Variants in CCDC24 observed in about 807,000 individuals in gnomAD.
CCDC24 encodes the protein coiled-coil domain containing 24.
Under a neutral mutation model 31.6 loss-of-function variants are expected in CCDC24, and 34 were observed. The ratio of observed to expected loss-of-function variants is 1.08; its 90% CI spans 0.82 to 1.43. CCDC24 has a LOEUF of 1.43. CCDC24 is among the 40% of genes most tolerant of loss of function. The pLI, the probability that CCDC24 is intolerant of heterozygous loss-of-function variation, is 0.00. For synonymous variants in CCDC24, 175 were observed against 157.3 expected (o/e 1.11, Z -0.84); for missense variants, 426 against 391.1 (o/e 1.09, Z -0.75).
Position 43,995,414 on chromosome 1 carries a change from A to G in CCDC24, c.553-187A>G. 2.8e-6 allele frequency: 2 copies of G among 726,230 alleles called. No homozygotes were observed. The highest frequency in any genetic ancestry group is 1.8e-5 in the African/African-American group (1 of 56,402). The allele number at this position is 726,230 out of a possible 1,614,324, so 45.0% of individuals were successfully genotyped here. A position where few individuals can be genotyped will look rare whatever the true frequency, so the allele number is the denominator to read the frequency against. ...CCTTCCTTTACCTAAGTCTGGGTAC[A>G]GGCCCCACCACTATCTTGCCAAACT... On this transcript the variant is annotated intron_variant, in intron 6 of 8. Coordinates refer to ENST00000372318, the MANE Select transcript of CCDC24 (RefSeq NM_152499.4). The surrounding 1 kb of genome is among the most constrained non-coding windows in gnomAD (Gnocchi z 4.3).
rs539943737 is a variant in CCDC24, at chr1:43,991,796, C to T, written c.-33+50C>T. ...CCATAGAGGGGCGGGGTTTGGTGAGCGTTGCCGGCGGGCCCGCGGTACCTC... is the reference window on the plus strand; with the variant it reads ...CCATAGAGGGGCGGGGTTTGGTGAGTGTTGCCGGCGGGCCCGCGGTACCTC... On this transcript the variant is annotated intron_variant, in intron 1 of 8. Transcript: ENST00000372318. 5.1e-5 allele frequency: 77 copies of T among 1,513,166 alleles called. No homozygotes were observed. The African/African-American group carries it at 7.6e-4, about 15-fold the overall frequency. The allele number at this position is 1,513,166 out of a possible 1,614,324, so 93.7% of individuals were successfully genotyped here. A position where few individuals can be genotyped will look rare whatever the true frequency, so the allele number is the denominator to read the frequency against.
Position 43,991,627 on chromosome 1 carries a change from C to T in CCDC24, c.-152C>T, listed in dbSNP as rs773437003. On this transcript the variant is annotated 5_prime_UTR_variant, in exon 1 of 9. Coordinates refer to ENST00000372318, the MANE Select transcript of CCDC24 (RefSeq NM_152499.4). Reference sequence around the variant, plus strand: ...GGTGGGGCTAGGGCCCTGGTTCCCACTGCCTGGTTTCTGGGCCCCCGGCAT... The same window carrying T: ...GGTGGGGCTAGGGCCCTGGTTCCCATTGCCTGGTTTCTGGGCCCCCGGCAT... The T allele has an allele frequency of 7.1e-6, 5 of 704,942 alleles. No homozygotes were observed. Among genetic ancestry groups the T allele is most frequent in the Non-Finnish European group, 1.3e-5 (5 of 387,502 alleles). 43.7% of individuals were successfully genotyped at this position (704,942 alleles called of 1,614,324 possible). A position where few individuals can be genotyped will look rare whatever the true frequency, so the allele number is the denominator to read the frequency against.
At chr1:43,992,027 ACG>A in intron 2 of CCDC24, 23 bp downstream of exon 2, 1 of 1,486,182 alleles carries the variant, frequency 6.7e-7, no homozygotes, top group South Asian at 1.3e-5. Context: ...AAGGTGGGCC[ACG>A]CCCCTGGCCT....
chr1:43,996,325 A>T lies in CCDC24; in HGVS notation c.*165A>T. On this transcript the variant is annotated 3_prime_UTR_variant, in exon 9 of 9. Transcript: ENST00000372318. The stretch of plus-strand genomic sequence containing the variant: ...GGCCCTTGCCCCACCCCCTTGCCAG[A>T]TCCCTGGTGTCTGGAGCTGAGTGGC... The T allele has an allele frequency of 1.6e-6, 1 of 632,670 alleles. No homozygotes were observed. Among genetic ancestry groups the T allele is most frequent in the Non-Finnish European group, 2.7e-6 (1 of 376,982 alleles). 39.2% of individuals were successfully genotyped at this position (632,670 alleles called of 1,614,324 possible).
chr1:43,992,254 C>T lies in CCDC24; in HGVS notation c.169C>T (p.Gln57Ter), dbSNP rs192626025. The change falls in exon 3 of 9, where the codon CAA (glutamine) becomes TAA (stop). Residue 57 changes from glutamine to a stop codon, truncating the protein, a stop_gained. Transcript: ENST00000372318. LOFTEE classifies it high-confidence loss of function. ...ACTGCTCCAAGAGGCTCGATCCTCTCAAGCCCCCAGCTCCCGCCCCATCTC... is the reference window on the plus strand; with the variant it reads ...ACTGCTCCAAGAGGCTCGATCCTCTTAAGCCCCCAGCTCCCGCCCCATCTC... ...RALLQEARSS[Q>*]APSSRPISDP... 1.2e-5 allele frequency: 19 copies of T among 1,614,000 alleles called. No homozygotes were observed. The East Asian group carries it at 4.2e-4, about 36-fold the overall frequency.
At chr1:43,992,489 G>A (rs759758460) in intron 3 of CCDC24, 34 bp from the exon 4 acceptor site, 2 of 1,612,812 alleles carry the variant, frequency 1.2e-6, no homozygotes, top group Non-Finnish European at 1.7e-6. Flanking sequence ...CCAGAAAGGA[G>A]CCTCTCAGCT....
intron 4 of CCDC24, 80 bp downstream of exon 4, chr1:43,992,719 A>C: frequency 1.6e-6 from 2 of 1,282,848 alleles, no homozygotes; most frequent in Non-Finnish European, 2.3e-6. Context: ...ACCTGGCTCC[A>C]TGCAGGAGAT....
chr1:43,992,086 G>T, intron 2 of CCDC24, 82 bp downstream of exon 2: 1 of 1,498,492 alleles, frequency 6.7e-7, no homozygotes, highest in South Asian at 1.3e-5. Context: ...CCCTGGCCCT[G>T]CCGGGTAACT....
In CCDC24 at chr1:43,996,351, C is replaced by T. The variant is rs927578093; in HGVS notation, c.*191C>T. On this transcript the variant is annotated 3_prime_UTR_variant, in exon 9 of 9. Coordinates refer to ENST00000372318, the MANE Select transcript of CCDC24 (RefSeq NM_152499.4). The stretch of plus-strand genomic sequence containing the variant: ...TCCCTGGTGTCTGGAGCTGAGTGGC[C>T]GGGCATCGGTCCCAAGCATCAAAGC... The T allele has an allele frequency of 3.0e-5, 17 of 567,852 alleles. No homozygotes were observed. Among genetic ancestry groups the T allele is most frequent in the Admixed American group, 6.9e-5 (2 of 28,810 alleles). 35.2% of individuals were successfully genotyped at this position (567,852 alleles called of 1,614,324 possible). A position where few individuals can be genotyped will look rare whatever the true frequency, so the allele number is the denominator to read the frequency against.
chr1:43,995,390 C>T lies in CCDC24; in HGVS notation c.553-211C>T, dbSNP rs2085822095. On this transcript the variant is annotated intron_variant, in intron 6 of 8. Coordinates refer to ENST00000372318, the MANE Select transcript of CCDC24 (RefSeq NM_152499.4). This position sits in a 1 kb window ranked among gnomAD's most constrained non-coding sequence, Gnocchi z 4.3. ...CCAACCGTTTTAGGTCTTTTGCCTC[C>T]TTCCTTTACCTAAGTCTGGGTACAG... The T allele has an allele frequency of 1.4e-6, 1 of 695,084 alleles. No individual in the cohort carries two copies. Among genetic ancestry groups the T allele is most frequent in the Admixed American group, 2.9e-5 (1 of 34,626 alleles). 43.1% of individuals were successfully genotyped at this position (695,084 alleles called of 1,614,324 possible).
intron 4 of CCDC24, 26 bp downstream of exon 4, chr1:43,992,665 T>G: frequency 6.3e-7 from 1 of 1,590,824 alleles, no homozygotes; most frequent in Non-Finnish European, 8.6e-7. Flanking sequence ...GAGAGAGGGA[T>G]CTGTCCCTGC....
In CCDC24 at chr1:43,995,596, T is replaced by A; in HGVS notation, c.553-5T>A. On this transcript the variant is annotated splice_polypyrimidine_tract_variant and splice_region_variant and intron_variant, in intron 6 of 8. Coordinates refer to ENST00000372318, the MANE Select transcript of CCDC24 (RefSeq NM_152499.4). The surrounding 1 kb of genome is among the most constrained non-coding windows in gnomAD (Gnocchi z 4.3). ...GTCTGGGCACTGACGCAGCTCTCCC[T>A]GCAGCGCTGCCTGGAAGAGGAGTAT... The A allele has an allele frequency of 6.2e-7, 1 of 1,603,998 alleles. No individual in the cohort carries two copies. The highest frequency in any genetic ancestry group is 1.7e-5 in the Admixed American group (1 of 58,828).
In CCDC24 at chr1:43,996,236, C is replaced by T. The variant is rs2085856171; in HGVS notation, c.*76C>T. Reference sequence around the variant, plus strand: ...CCGCTGCCGCCTCAGCTGCTTTGGCCCAGCCAGCTTCAGATCTGGTCTTGG... The same window carrying T: ...CCGCTGCCGCCTCAGCTGCTTTGGCTCAGCCAGCTTCAGATCTGGTCTTGG... On this transcript the variant is annotated 3_prime_UTR_variant, in exon 9 of 9. Coordinates refer to ENST00000372318, the MANE Select transcript of CCDC24 (RefSeq NM_152499.4). 9 of 1,331,884 alleles carry T rather than the reference C, an allele frequency of 6.8e-6. No homozygotes were observed. Among genetic ancestry groups the T allele is most frequent in the Non-Finnish European group, 9.1e-6 (9 of 990,528 alleles). The allele number at this position is 1,331,884 out of a possible 1,614,324, so 82.5% of individuals were successfully genotyped here.
rs2085809395 is a variant in CCDC24, at chr1:43,995,001, G to C, written c.498-107G>C. 1.6e-5 allele frequency: 16 copies of C among 996,806 alleles called. No homozygotes were observed. In the South Asian group the frequency reaches 2.2e-4, roughly 14 times the overall value. The allele number at this position is 996,806 out of a possible 1,614,324, so 61.7% of individuals were successfully genotyped here. The stretch of plus-strand genomic sequence containing the variant: ...GGGCAGTGTGGGCTGAGGAAGGACA[G>C]GTTGGGTGGGGCTCCTGCTGAGGCT... On this transcript the variant is annotated intron_variant, in intron 5 of 8. Coordinates refer to ENST00000372318, the MANE Select transcript of CCDC24 (RefSeq NM_152499.4). The surrounding 1 kb of genome is among the most constrained non-coding windows in gnomAD (Gnocchi z 4.3).
Position 43,995,815 on chromosome 1 carries a change from G to A in CCDC24, c.660G>A (p.Leu220=). The A allele has an allele frequency of 6.2e-7, 1 of 1,614,244 alleles. No homozygotes were observed. The highest frequency in any genetic ancestry group is 8.5e-7 in the Non-Finnish European group (1 of 1,180,034). The part of the protein sequence containing the change: ...KEQKKAMEQE[L]QASVGPSCVS... ...AGAAGAAGGCCATGGAGCAGGAGCT[G>A]CAGGCATCTGTGGGGCCTTCTTGTG... Residue 220 remains leucine (L), a synonymous_variant, in exon 8 of 9, where the codon CTG becomes CTA. Transcript: ENST00000372318. The surrounding 1 kb of genome is among the most constrained non-coding windows in gnomAD (Gnocchi z 4.3).
Position 43,992,403 on chromosome 1 carries a change from C to G in CCDC24, c.302+16C>G, listed in dbSNP as rs1327775417. 1 of 1,613,848 alleles carries G rather than the reference C, an allele frequency of 6.2e-7. No homozygotes were observed. Among genetic ancestry groups the G allele is most frequent in the Non-Finnish European group, 8.5e-7 (1 of 1,179,872 alleles). On this transcript the variant is annotated intron_variant, in intron 3 of 8. Transcript: ENST00000372318. ...GTGAGGGCAGGTGGGAGCCTCAGGC[C>G]TGGGCCCTTTCCCTAGATACCAGGT...
intron 4 of CCDC24, 110 bp downstream of exon 4, chr1:43,992,749 C>T (rs2085769965): frequency 3.3e-6 from 3 of 903,872 alleles, no homozygotes; most frequent in Non-Finnish European, 3.6e-6. Flanking sequence ...GGGCTGGGCA[C>T]TTCCACCGCC....
intron 4 of CCDC24, 136 bp downstream of exon 4, chr1:43,992,775 T>G (rs1040244404): frequency 5.1e-6 from 4 of 784,870 alleles, no homozygotes; most frequent in African/African-American, 3.4e-5. Context: ...TGATAGAGAT[T>G]ATCAGCCCAT....
intron 2 of CCDC24, 61 bp downstream of exon 2, chr1:43,992,065 C>T (rs1233957334): frequency 4.5e-6 from 6 of 1,331,798 alleles, no homozygotes; most frequent in Non-Finnish European, 9.6e-7. Context: ...TGATTTCCCA[C>T]CTCTGCGGGT....
Sources: allele counts gnomAD v4.1 joint callset, GRCh38; gene constraint gnomAD v4.1.1; non-coding constraint Gnocchi (gnomAD v3.1); transcripts MANE v1.5; gene names NCBI Gene and HGNC (gene_info 2026-07-23, HGNC 2026-07-21).